Variants in HCN1 observed in about 807,000 individuals in gnomAD.
HCN1 encodes potassium/sodium hyperpolarization-activated cyclic nucleotide-gated channel 1.
HCN1 carries 13 observed loss-of-function variants against 78.9 expected under a neutral mutation model. The observed-to-expected ratio is 0.16, with a 90% CI of 0.11 to 0.26. The LOEUF is 0.26. Among genes scored for constraint, HCN1 ranks in the 10% least tolerant of loss-of-function variants. HCN1 has a pLI of 1.00. For missense variants in HCN1, 810 were observed against 1,154.3 expected (o/e 0.70, Z 4.32); for synonymous variants, 552 against 455.5 (o/e 1.21, Z -2.70).
chr5:45,640,599 A>G (rs2112025161), intron 2 of HCN1, among the ~76,000 whole-genome samples: 2 of 143,830 alleles, frequency 1.4e-5, no homozygotes, highest in African/African-American at 2.6e-5. Flanking sequence ...TTTTTGACGG[A>G]GTTTCACTCT....
At chr5:45,465,376 G>A (rs962015066) in intron 2 of HCN1, among the ~76,000 whole-genome samples, 1 of 152,106 alleles carries the variant, frequency 6.6e-6, no homozygotes. Context: ...GTAACAGAAA[G>A]AAAGGCTCTC....
chr5:45,567,985 C>G (rs1045997010), intron 2 of HCN1, among the ~76,000 whole-genome samples: 1 of 151,730 alleles, frequency 6.6e-6, no homozygotes, highest in African/African-American at 2.4e-5. Context: ...AAAGTTTTCA[C>G]TAAGAACTTG....
At chr5:45,407,572 T>C (rs1236588010) in intron 3 of HCN1, among the ~76,000 whole-genome samples, 2 of 152,004 alleles carry the variant, frequency 1.3e-5, no homozygotes, top group African/African-American at 4.8e-5. Flanking sequence ...CAGGCTGGAG[T>C]GCAGTGGCGC....
chr5:45,587,916 G>C (rs762801958), intron 2 of HCN1, among the ~76,000 whole-genome samples: 1 of 151,976 alleles, frequency 6.6e-6, no homozygotes, highest in Admixed American at 6.6e-5. Context: ...AGGTCACAGA[G>C]AGCTCTCTTT....
chr5:45,618,773 G>A lies in HCN1; in HGVS notation c.849+26412C>T, dbSNP rs2580257. ...TTGATTGTATAGGTGAGCTGATAGA[G>A]AGTCTAACTTAAATGGCTAGATGAA... is the stretch of plus-strand genomic sequence containing the variant. On this transcript the variant is annotated intron_variant, in intron 2 of 7. Coordinates refer to ENST00000303230, the MANE Select transcript of HCN1 (RefSeq NM_021072.4). Among the ~76,000 whole-genome samples the A allele has an allele frequency of 6.8e-3, 1,032 of 152,096 alleles. 7 individuals carry two copies. Among genetic ancestry groups the A allele is most frequent in the African/African-American group, 0.024 (989 of 41,532 alleles).
In HCN1 at chr5:45,255,034, T is replaced by G. The variant is rs560152073; in HGVS notation, c.*6887A>C. The G allele has an allele frequency of 6.6e-6, 1 of 152,348 alleles. No individual in the cohort carries two copies. The highest frequency in any genetic ancestry group is 2.1e-4 in the South Asian group (1 of 4,824). 9.4% of individuals were successfully genotyped at this position (152,348 alleles called of 1,614,324 possible). On this transcript the variant is annotated 3_prime_UTR_variant, in exon 8 of 8. Coordinates refer to ENST00000303230, the MANE Select transcript of HCN1 (RefSeq NM_021072.4). ...ACAGAAGGCAATGGACACATTGTACTGATGTGATATTAAGAAACATTGCTA... is the reference window on the plus strand; with the variant it reads ...ACAGAAGGCAATGGACACATTGTACGGATGTGATATTAAGAAACATTGCTA...
At chr5:45,375,073 A>ATT (rs1405076659) in intron 4 of HCN1, among the ~76,000 whole-genome samples, 1 of 118,978 alleles carries the variant, frequency 8.4e-6, no homozygotes, top group African/African-American at 3.6e-5. Flanking sequence ...TATATAATAT[A>ATT]TTATATATAA....
intron 5 of HCN1, among the ~76,000 whole-genome samples, chr5:45,330,914 G>A (rs1179119493): frequency 1.3e-5 from 2 of 151,090 alleles, no homozygotes; most frequent in African/African-American, 2.4e-5. Flanking sequence ...AAATTTACCA[G>A]GAAGCCACTT....
chr5:45,556,779 T>A (rs974069256), intron 2 of HCN1, among the ~76,000 whole-genome samples: 1 of 152,004 alleles, frequency 6.6e-6, no homozygotes, highest in African/African-American at 2.4e-5. Flanking sequence ...TCTATGTTTC[T>A]TCTCCCATCA....
intron 6 of HCN1, among the ~76,000 whole-genome samples, chr5:45,300,825 G>A (rs1017005990): frequency 3.3e-5 from 5 of 151,944 alleles, no homozygotes; most frequent in Admixed American, 1.3e-4. Flanking sequence ...TCTAAAGCAG[G>A]CCCTGTTAGA....
intron 4 of HCN1, among the ~76,000 whole-genome samples, chr5:45,375,757 T>A (rs1427456581): frequency 1.9e-5 from 2 of 103,318 alleles, no homozygotes; most frequent in Non-Finnish European, 3.7e-5. Flanking sequence ...TATAATATCA[T>A]ATTTTATGAT....
intron 5 of HCN1, among the ~76,000 whole-genome samples, chr5:45,346,813 G>A (rs1289075698): frequency 6.6e-6 from 1 of 152,230 alleles, no homozygotes; most frequent in East Asian, 1.9e-4. Context: ...GGCTGCGGGA[G>A]GGGCACCCTC....
chr5:45,395,811 C>A (rs1330431615), intron 4 of HCN1, among the ~76,000 whole-genome samples: 1 of 151,926 alleles, frequency 6.6e-6, no homozygotes, highest in Admixed American at 6.6e-5. Flanking sequence ...GTCCCAATAC[C>A]CTATATTTAG....
chr5:45,628,512 TTAA>T (rs1745211237), intron 2 of HCN1, among the ~76,000 whole-genome samples: 1 of 152,168 alleles, frequency 6.6e-6, no homozygotes, highest in Non-Finnish European at 1.5e-5. Flanking sequence ...TAGAAGCATA[TTAA>T]TAAGTATACA....
At chr5:45,281,820 C>G (rs1745176074) in intron 6 of HCN1, among the ~76,000 whole-genome samples, 3 of 151,734 alleles carry the variant, frequency 2.0e-5, no homozygotes, top group Admixed American at 2.0e-4. Context: ...TCTTGATCTC[C>G]TGACCTCATG....
intron 1 of HCN1, among the ~76,000 whole-genome samples, chr5:45,659,993 A>C (rs1335106062): frequency 6.9e-6 from 1 of 144,268 alleles, no homozygotes; most frequent in Non-Finnish European, 1.5e-5. Context: ...ACTCCAAGAC[A>C]CATAATTGTC....
At chr5:45,283,486 T>G (rs746637842) in intron 6 of HCN1, among the ~76,000 whole-genome samples, 3 of 152,040 alleles carry the variant, frequency 2.0e-5, no homozygotes, top group African/African-American at 7.2e-5. Flanking sequence ...GCAAAGGACA[T>G]GAACAGACAC....
chr5:45,491,742 A>G (rs1163294721), intron 2 of HCN1, among the ~76,000 whole-genome samples: 2 of 152,138 alleles, frequency 1.3e-5, no homozygotes, highest in Non-Finnish European at 2.9e-5. Context: ...GATTATTGTG[A>G]AGAGTGAATG....
chr5:45,323,113 ACTT>A (rs1746155758), intron 5 of HCN1, among the ~76,000 whole-genome samples: 2 of 151,888 alleles, frequency 1.3e-5, no homozygotes, highest in African/African-American at 2.4e-5. Context: ...AGGTGGATAT[ACTT>A]CTTCAATTGT....
Sources: gnomAD v4.1 joint callset for allele counts (sites outside exome capture counted in the v4.1 genomes callset) on GRCh38, gnomAD v4.1.1 for gene constraint, MANE v1.5 for transcripts, NCBI Gene and HGNC (gene_info 2026-07-23, HGNC 2026-07-21) for gene names.